The following GALNT13 variants were observed in gnomAD, a reference collection of about 807,000 sequenced individuals.
GALNT13 encodes polypeptide N-acetylgalactosaminyltransferase 13, also known as UDP-GalNAc:polypeptide N-acetylgalactosaminyltransferase 13.
GALNT13 carries 28 observed loss-of-function variants against 64.2 expected under a neutral mutation model. The observed-to-expected ratio is 0.44, with a 90% CI of 0.32 to 0.60. The LOEUF is 0.60. GALNT13 is among the 20% of genes least tolerant of loss of function. The probability of loss-of-function intolerance (pLI) is 0.05; values close to 1 mark genes in which losing one functional copy is unlikely to be tolerated. For missense variants in GALNT13, 577 were observed against 669.8 expected, an observed-to-expected ratio of 0.86 and a Z score of 1.53; for synonymous variants, 214 against 224.6, an observed-to-expected ratio of 0.95 and a Z score of 0.42.
At chr2:153,180,664 G>T in the GALNT13 span, among the ~76,000 whole-genome samples, 1 of 152,128 alleles carries the variant, frequency 6.6e-6, no homozygotes, top group Non-Finnish European at 1.5e-5. Flanking sequence ...TTTGCTTTCA[G>T]CAAGACTTTT....
At chr2:153,677,280 G>GACAT in the GALNT13 span, among the ~76,000 whole-genome samples, 11,778 of 114,138 alleles carry the variant, frequency 0.1, 653 homozygotes, top group East Asian at 0.34. Context: ...ATTCACAATA[G>GACAT]ACATACACAC....
intron 8 of GALNT13, among the ~76,000 whole-genome samples, chr2:154,284,066 ACAAT>A: frequency 6.6e-6 from 1 of 152,320 alleles, no homozygotes; most frequent in Non-Finnish European, 1.5e-5. Flanking sequence ...CATTATAGAG[ACAAT>A]CAAGTCAATT....
chr2:154,362,358 G>C (rs757901326), intron 9 of GALNT13, among the ~76,000 whole-genome samples: 1 of 148,530 alleles, frequency 6.7e-6, no homozygotes, highest in Non-Finnish European at 1.5e-5. Context: ...AAATAGAGTA[G>C]GTTTTGATTC....
the GALNT13 span, among the ~76,000 whole-genome samples, chr2:153,449,246 A>AT: frequency 6.6e-6 from 1 of 152,036 alleles, no homozygotes; most frequent in Non-Finnish European, 1.5e-5. Context: ...AGTCTATGGT[A>AT]TTTTTTTATG....
At chr2:153,988,016 G>A (rs1344402232) in intron 3 of GALNT13, among the ~76,000 whole-genome samples, 1 of 150,172 alleles carries the variant, frequency 6.7e-6, no homozygotes, top group Non-Finnish European at 1.5e-5. Flanking sequence ...AATTAATATT[G>A]TTTTGACAAA....
At chr2:154,422,021 C>A (rs1393209935) in intron 11 of GALNT13, among the ~76,000 whole-genome samples, 2 of 151,988 alleles carry the variant, frequency 1.3e-5, no homozygotes, top group Non-Finnish European at 2.9e-5. Flanking sequence ...GCACAGAGAG[C>A]AGAGGGTGAG....
At chr2:153,160,267 C>A in the GALNT13 span, among the ~76,000 whole-genome samples, 1 of 152,126 alleles carries the variant, frequency 6.6e-6, no homozygotes, top group Non-Finnish European at 1.5e-5. Context: ...GGCCATGCAT[C>A]TTGTTGGATG....
At chr2:154,052,748 T>C (rs1203882601) in intron 3 of GALNT13, among the ~76,000 whole-genome samples, 1 of 150,396 alleles carries the variant, frequency 6.6e-6, no homozygotes, top group African/African-American at 2.4e-5. Flanking sequence ...TTTTTTTTTT[T>C]TTTTTTGAGA....
At chr2:153,260,636 C>T in the GALNT13 span, among the ~76,000 whole-genome samples, 3 of 152,066 alleles carry the variant, frequency 2.0e-5, no homozygotes, top group Non-Finnish European at 4.4e-5. Flanking sequence ...TTTTTATCCT[C>T]GACCTTTGGG....
intron 8 of GALNT13, among the ~76,000 whole-genome samples, chr2:154,285,182 TC>T (rs922157215): frequency 6.6e-6 from 1 of 152,188 alleles, no homozygotes; most frequent in Non-Finnish European, 1.5e-5. Context: ...GTCTCCTCAC[TC>T]TGTTGTTTCC....
the GALNT13 span, among the ~76,000 whole-genome samples, chr2:153,767,481 G>C: frequency 1.3e-5 from 2 of 151,992 alleles, no homozygotes; most frequent in African/African-American, 2.4e-5. Context: ...TAGGTTTGCT[G>C]GGTCAAATAG....
chr2:154,075,995 G>A (rs1436033247), intron 3 of GALNT13, among the ~76,000 whole-genome samples: 3 of 151,536 alleles, frequency 2.0e-5, no homozygotes, highest in African/African-American at 7.3e-5. Context: ...CAGATTAGGT[G>A]AAGATATGCT....
At chr2:153,775,578 T>C in the GALNT13 span, among the ~76,000 whole-genome samples, 1 of 152,146 alleles carries the variant, frequency 6.6e-6, no homozygotes, top group Non-Finnish European at 1.5e-5. Context: ...TTCTTAATTT[T>C]TTTTCATTAT....
chr2:154,446,975 G>T (rs707072), intron 12 of GALNT13, among the ~76,000 whole-genome samples: 123,267 of 151,322 alleles, frequency 0.81, 51,338 homozygotes, highest in Admixed American at 0.91. Flanking sequence ...ATGAGTAGGG[G>T]TTTTTTTGTT....
At chr2:153,333,109 G>C in the GALNT13 span, among the ~76,000 whole-genome samples, 1 of 152,200 alleles carries the variant, frequency 6.6e-6, no homozygotes, top group African/African-American at 2.4e-5. Flanking sequence ...TAAAATGCCT[G>C]CATGGCCATG....
chr2:153,822,328 C>T, the GALNT13 span, among the ~76,000 whole-genome samples: 3 of 152,142 alleles, frequency 2.0e-5, no homozygotes, highest in Admixed American at 2.0e-4. Flanking sequence ...TGCCAAAATC[C>T]TCAGCAAAAT....
At chr2:153,423,353 G>A in the GALNT13 span, 1 of 151,376 alleles carries the variant, frequency 6.6e-6, no homozygotes, top group South Asian at 2.1e-4. Flanking sequence ...TAGGAGTAAG[G>A]GACCCTATTT....
At chr2:153,550,517 G>T in the GALNT13 span, among the ~76,000 whole-genome samples, 3 of 152,090 alleles carry the variant, frequency 2.0e-5, no homozygotes, top group Non-Finnish European at 4.4e-5. Context: ...ATAGACTAGA[G>T]CCACCGTGCC....
chr2:153,411,463 G>T, the GALNT13 span, among the ~76,000 whole-genome samples: 3 of 152,148 alleles, frequency 2.0e-5, no homozygotes, highest in Non-Finnish European at 1.5e-5. Context: ...TTTAGGAAAT[G>T]ACTCAGATAA....
Sources: gnomAD v4.1 joint callset for allele counts (sites outside exome capture counted in the v4.1 genomes callset) on GRCh38, gnomAD v4.1.1 for gene constraint, MANE v1.5 for transcripts, NCBI Gene and HGNC (gene_info 2026-07-23, HGNC 2026-07-21) for gene names.